The following PCSK5 variants were observed in gnomAD, a reference collection of about 807,000 sequenced individuals.
The protein encoded by PCSK5 is prohormone convertase 5.
PCSK5 carries 129 observed loss-of-function variants against 233.2 expected under a neutral mutation model. That is an observed-to-expected ratio of 0.55 (90% CI 0.48 to 0.64). The LOEUF is 0.64. Ranked by LOEUF, PCSK5 falls within the 30% of genes least tolerant of loss-of-function variation. PCSK5 has a pLI of 0.00. For synonymous variants in PCSK5, 825 were observed against 879.2 expected, an observed-to-expected ratio of 0.94 and a Z score of 1.09; for missense variants, 2,076 against 2,430.1, an observed-to-expected ratio of 0.85 and a Z score of 3.06.
intron 7 of PCSK5, among the ~76,000 whole-genome samples, chr9:76,094,976 C>CATTCTAAG (rs1176385067): frequency 6.6e-6 from 1 of 152,154 alleles, no homozygotes; most frequent in Non-Finnish European, 1.5e-5. Flanking sequence ...TGTCTTGTAG[C>CATTCTAAG]ATTCTAAGAT....
intron 3 of PCSK5, among the ~76,000 whole-genome samples, chr9:76,021,375 G>GA (rs1554674721): frequency 6.6e-6 from 1 of 151,418 alleles, no homozygotes; most frequent in Admixed American, 6.6e-5. Flanking sequence ...GGGTTGGGGG[G>GA]TGTATTTCTA....
intron 12 of PCSK5, among the ~76,000 whole-genome samples, chr9:76,163,723 A>G (rs1822966307): frequency 6.6e-6 from 1 of 152,194 alleles, no homozygotes; most frequent in African/African-American, 2.4e-5. Context: ...AAATGTTTTT[A>G]GATGAGAGCA....
intron 3 of PCSK5, among the ~76,000 whole-genome samples, chr9:75,994,396 CTTTCTTTTTTTT>C (rs1826909161): frequency 1.5e-5 from 1 of 68,334 alleles, no homozygotes; most frequent in Admixed American, 1.6e-4. Context: ...TTCTTTCTTT[CTTTCTTTTTTTT>C]TTTTTTTTTT....
chr9:76,275,904 T>C (rs946432067), intron 24 of PCSK5, among the ~76,000 whole-genome samples: 3 of 152,196 alleles, frequency 2.0e-5, no homozygotes, highest in African/African-American at 7.2e-5. Flanking sequence ...AATTTGCAAA[T>C]TCCTTGAGGT....
chr9:76,274,175 T>C (rs984910846), intron 24 of PCSK5, among the ~76,000 whole-genome samples: 92 of 152,164 alleles, frequency 6.0e-4, no homozygotes, highest in African/African-American at 2.1e-3. Flanking sequence ...TATATCTATC[T>C]TTGAGTTTAC....
At chr9:75,999,698 A>G (rs998115020) in intron 3 of PCSK5, among the ~76,000 whole-genome samples, 4 of 152,252 alleles carry the variant, frequency 2.6e-5, no homozygotes, top group Admixed American at 2.6e-4. Flanking sequence ...CGTTAGAGCC[A>G]TTATGAACAT....
chr9:76,249,616 C>T (rs1202800564), intron 24 of PCSK5, among the ~76,000 whole-genome samples: 1 of 152,258 alleles, frequency 6.6e-6, no homozygotes, highest in East Asian at 1.9e-4. Context: ...ACCAAGGCTC[C>T]TTAGAGAATT....
intron 5 of PCSK5, among the ~76,000 whole-genome samples, chr9:76,028,252 C>T (rs925090148): frequency 1.3e-5 from 2 of 152,160 alleles, no homozygotes; most frequent in Non-Finnish European, 2.9e-5. Context: ...ACTGTAACTG[C>T]CCAGTGGGTT....
Position 76,203,031 on chromosome 9 carries a change from G to A in PCSK5, c.2626+13285G>A, listed in dbSNP as rs188946462. On this transcript the variant is annotated intron_variant, in intron 20 of 37. Coordinates refer to ENST00000674117, the MANE Select transcript of PCSK5 (RefSeq NM_001372043.1). ...AAGGAATAGCTCTGATCCAATACTT[G>A]GACAACTAAGTTCTAGCGTGAATTC... 8.1e-4 allele frequency among the ~76,000 whole-genome samples: 124 copies of A among 152,218 alleles called. 1 individual carries two copies. The highest frequency in any genetic ancestry group is 3.4e-4 in the Non-Finnish European group (23 of 68,008).
At chr9:76,031,033 C>A (rs1467881422) in intron 5 of PCSK5, among the ~76,000 whole-genome samples, 1 of 152,168 alleles carries the variant, frequency 6.6e-6, no homozygotes, top group Non-Finnish European at 1.5e-5. Context: ...CTCCCTGCCT[C>A]TGTTTTATGG....
intron 3 of PCSK5, among the ~76,000 whole-genome samples, chr9:76,001,030 A>G (rs376057201): frequency 4.9e-4 from 75 of 152,108 alleles, no homozygotes; most frequent in Middle Eastern, 3.4e-3. Context: ...AATGTTTTTT[A>G]CATATAAAAT....
At chr9:76,065,942 C>G (rs1013738547) in intron 5 of PCSK5, among the ~76,000 whole-genome samples, 1 of 152,120 alleles carries the variant, frequency 6.6e-6, no homozygotes, top group African/African-American at 2.4e-5. Flanking sequence ...ACACCTTTGT[C>G]AAAAGTCAGT....
At chr9:75,951,128 T>C (rs1212006791) in intron 2 of PCSK5, among the ~76,000 whole-genome samples, 1 of 152,216 alleles carries the variant, frequency 6.6e-6, no homozygotes, top group Non-Finnish European at 1.5e-5. Flanking sequence ...AAACTGGCAC[T>C]GAATCTGAGA....
intron 3 of PCSK5, among the ~76,000 whole-genome samples, chr9:75,987,344 C>T (rs1414317585): frequency 6.6e-6 from 1 of 152,162 alleles, no homozygotes; most frequent in Non-Finnish European, 1.5e-5. Flanking sequence ...CTCCCTGCTG[C>T]TCATGGCATC....
At chr9:76,084,547 A>G (rs1032071859) in intron 7 of PCSK5, among the ~76,000 whole-genome samples, 4 of 152,214 alleles carry the variant, frequency 2.6e-5, no homozygotes, top group Non-Finnish European at 5.9e-5. Flanking sequence ...CGTTCTGTTT[A>G]TAGTGACTGC....
intron 24 of PCSK5, among the ~76,000 whole-genome samples, chr9:76,257,501 G>A (rs781176101): frequency 2.0e-5 from 3 of 152,162 alleles, no homozygotes; most frequent in Non-Finnish European, 4.4e-5. Context: ...AAGTCAACAG[G>A]AGGGTAATTT....
intron 3 of PCSK5, among the ~76,000 whole-genome samples, chr9:76,000,156 CA>C (rs1413560622): frequency 6.6e-6 from 1 of 152,104 alleles, no homozygotes; most frequent in Non-Finnish European, 1.5e-5. Context: ...GGCTCCTCTC[CA>C]TTTTTTTCTC....
chr9:76,173,155 A>G (rs1823400447), intron 13 of PCSK5, among the ~76,000 whole-genome samples: 1 of 152,320 alleles, frequency 6.6e-6, no homozygotes, highest in South Asian at 2.1e-4. Flanking sequence ...CCCACCTTAG[A>G]GTTGTTTTGA....
At chr9:76,071,950 C>T (rs1442448432) in intron 7 of PCSK5, 52 bp downstream of exon 7, 15 of 1,510,132 alleles carry the variant, frequency 9.9e-6, no homozygotes, top group Non-Finnish European at 1.3e-5. Context: ...TGATGATTCT[C>T]ATATGAAGAA....
Sources: allele counts gnomAD v4.1 joint callset (sites outside exome capture counted in the v4.1 genomes callset), GRCh38; gene constraint gnomAD v4.1.1; transcripts MANE v1.5; gene names NCBI Gene and HGNC (gene_info 2026-07-23, HGNC 2026-07-21).